The following NR4A1 variants were observed in gnomAD, a reference collection of about 807,000 sequenced individuals.
NR4A1 encodes nuclear receptor subfamily 4 group A member 1.
Under a neutral mutation model 47.5 loss-of-function variants are expected in NR4A1, and 24 were observed. The observed-to-expected ratio is 0.50, with a 90% CI of 0.37 to 0.71. The LOEUF (loss-of-function observed/expected upper bound fraction) is 0.71. NR4A1 is among the 30% of genes least tolerant of loss of function. The pLI, the probability that NR4A1 is intolerant of heterozygous loss-of-function variation, is 0.00. For missense variants in NR4A1, 669 were observed against 788.6 expected (o/e 0.85, Z 1.82); for synonymous variants, 353 against 345.7 (o/e 1.02, Z -0.24).
At chr12:52,046,238 T>C (rs1382417423) in intron 2 of NR4A1, among the ~76,000 whole-genome samples, 1 of 152,204 alleles carries the variant, frequency 6.6e-6, no homozygotes, top group African/African-American at 2.4e-5. Flanking sequence ...CCCTACCCTC[T>C]GGGCTGGGGA....
rs891249348 is a variant in NR4A1, at chr12:52,051,514, G to T, written c.-57G>T. On this transcript the variant is annotated 5_prime_UTR_variant, in exon 1 of 7. Transcript: ENST00000394825. ...CTTCGGGAGCGCACGCGGGACCAGG[G>T]ACCAGGCTGAGACTCGGGGCGCCAG... is the stretch of plus-strand genomic sequence containing the variant. The T allele has an allele frequency of 1.0e-6, 1 of 985,822 alleles. No individual in the cohort carries two copies. Among genetic ancestry groups the T allele is most frequent in the African/African-American group, 1.7e-5 (1 of 57,380 alleles). 61.1% of individuals were successfully genotyped at this position (985,822 alleles called of 1,614,324 possible). A position where few individuals can be genotyped will look rare whatever the true frequency, so the allele number is the denominator to read the frequency against.
chr12:52,050,806 GA>G (rs1263137548), upstream of NR4A1, among the ~76,000 whole-genome samples: 1 of 152,208 alleles, frequency 6.6e-6, no homozygotes, highest in East Asian at 1.9e-4. Flanking sequence ...GGGCTGAGGT[GA>G]GGGCGCAGGC....
chr12:52,041,960 C>T (rs117513332), intron 2 of NR4A1: 52,418 of 1,310,600 alleles, frequency 0.04, 1,239 homozygotes, highest in Middle Eastern at 0.052. Flanking sequence ...CTTTGTACAC[C>T]CCTCCAGCAG....
chr12:52,024,392 C>T (rs948735437), intron 1 of NR4A1, among the ~76,000 whole-genome samples: 1 of 152,168 alleles, frequency 6.6e-6, no homozygotes, highest in Non-Finnish European at 1.5e-5. Flanking sequence ...TTCTCTCTCT[C>T]CAAGTGCTTA....
chr12:52,025,130 G>A (rs1324534565), intron 1 of NR4A1, among the ~76,000 whole-genome samples: 12 of 151,062 alleles, frequency 7.9e-5, no homozygotes, highest in Non-Finnish European at 1.5e-4. Context: ...CACAACCCCG[G>A]CTCACTGCAC....
intron 1 of NR4A1, chr12:52,038,139 A>G (rs544441823): frequency 6.8e-6 from 6 of 880,520 alleles, no homozygotes; most frequent in Admixed American, 6.8e-5. Flanking sequence ...ATCTCGGCTC[A>G]CTGCAATCTC....
At position 52,056,520 on chromosome 12, in the gene NR4A1, C is replaced by T. The variant is rs1242149608; in HGVS notation, c.1033C>T (p.Arg345Trp). The change falls in exon 4 of 7, where the codon CGG becomes TGG. Residue 345 changes from arginine (R) to tryptophan (W), a missense_variant. Transcript: ENST00000394825. ...EVVRTDSLKG[R>W]RGRLPSKPKQ... The stretch of plus-strand genomic sequence containing the variant: ...TGTCCGAACAGACAGCCTGAAGGGG[C>T]GGCGGGGCCGGCTACCTTCAAAACC... 7 of 1,613,240 alleles carry T rather than the reference C, an allele frequency of 4.3e-6. No individual in the cohort carries two copies. The highest frequency in any genetic ancestry group is 5.9e-6 in the Non-Finnish European group (7 of 1,179,718).
chr12:52,043,939 A>G, intron 2 of NR4A1: 1 of 1,287,958 alleles, frequency 7.8e-7, no homozygotes, highest in African/African-American at 1.5e-5. Context: ...GACATTGAGG[A>G]ATGGGAGCTG....
intron 1 of NR4A1, among the ~76,000 whole-genome samples, chr12:52,036,143 C>T (rs1001715369): frequency 6.6e-6 from 1 of 152,164 alleles, no homozygotes; most frequent in African/African-American, 2.4e-5. Flanking sequence ...GCCGGGCCTT[C>T]CTGACCAGCC....
At position 52,023,841 on chromosome 12, in the gene NR4A1, C is replaced by T. The variant is rs377483548; in HGVS notation, c.-84+902C>T. On this transcript the variant is annotated intron_variant, in intron 1 of 7. Transcript: ENST00000360284. Reference sequence around the variant, plus strand: ...GGCGGGTCCTGGTAGGGGGCGTGGCCTGGCCGACTTGCGGGGCGGCGGCGC... The same window carrying T: ...GGCGGGTCCTGGTAGGGGGCGTGGCTTGGCCGACTTGCGGGGCGGCGGCGC... Among the ~76,000 whole-genome samples the T allele has an allele frequency of 1.8e-4, 27 of 152,344 alleles. No homozygotes were observed. The East Asian group carries it at 4.0e-3, about 23-fold the overall frequency.
intron 1 of NR4A1, among the ~76,000 whole-genome samples, chr12:52,024,223 C>A (rs1261463235): frequency 6.6e-6 from 1 of 152,234 alleles, no homozygotes; most frequent in Non-Finnish European, 1.5e-5. Context: ...ATCCTTCTCC[C>A]TGCCCCAGCC....
chr12:52,046,693 T>C (rs1373945772), upstream of NR4A1, among the ~76,000 whole-genome samples: 3 of 152,136 alleles, frequency 2.0e-5, no homozygotes, highest in South Asian at 6.2e-4. Context: ...TATTTTAAAA[T>C]AAAATTTGGG....
chr12:52,043,788 G>A (rs1216668432), intron 2 of NR4A1: 13 of 1,287,716 alleles, frequency 1.0e-5, no homozygotes, highest in Middle Eastern at 2.8e-4. Flanking sequence ...TGGGCAGCAC[G>A]TCTCTCCCCA....
chr12:52,024,691 CAAGA>C (rs1332234199), intron 1 of NR4A1, among the ~76,000 whole-genome samples: 1 of 150,068 alleles, frequency 6.7e-6, no homozygotes, highest in Admixed American at 6.7e-5. Context: ...GATCCTGTCA[CAAGA>C]AAGAAAGAAG....
intron 1 of NR4A1, 82 bp from the exon 2 acceptor site, chr12:52,054,244 TG>T: frequency 8.1e-7 from 1 of 1,234,606 alleles, no homozygotes. Context: ...CTTGCTGCTC[TG>T]GGGCCCAAAT....
rs138496951 is a variant in NR4A1, at chr12:52,057,419, C to G, written c.1429C>G (p.Arg477Gly). 1 of 1,614,226 alleles carries G rather than the reference C, an allele frequency of 6.2e-7. No homozygotes were observed. Among genetic ancestry groups the G allele is most frequent in the Non-Finnish European group, 8.5e-7 (1 of 1,180,040 alleles). Residue 477 changes from arginine (R) to glycine (G), a missense_variant, in exon 6 of 7, where the codon CGT becomes GGT. Transcript: ENST00000394825. ...GGTGCTACACCGGCTGCAGTGTGCC[C>G]GTGGCTTCGGGGACTGGATTGACAG... The part of the protein sequence containing the change: ...GLVLHRLQCA[R>G]GFGDWIDSIL...
upstream of NR4A1, among the ~76,000 whole-genome samples, chr12:52,050,024 A>T (rs1007668440): frequency 6.6e-6 from 1 of 151,972 alleles, no homozygotes; most frequent in African/African-American, 2.4e-5. Flanking sequence ...ACTCATGGAT[A>T]TTGACTTACA....
intron 1 of NR4A1, among the ~76,000 whole-genome samples, chr12:52,028,202 CAAAAAAAAAAAAAAAAAA>C (rs34072500): frequency 1.6e-5 from 1 of 61,766 alleles, no homozygotes; most frequent in South Asian, 7.8e-4. Context: ...ACCCTGTCTC[CAAAAAAAAAAAAAAAAAA>C]AAAAAAAAAG....
chr12:52,025,846 TA>T (rs974795959), intron 1 of NR4A1, among the ~76,000 whole-genome samples: 7 of 152,188 alleles, frequency 4.6e-5, no homozygotes, highest in Non-Finnish European at 1.0e-4. Context: ...GGCACCACCG[TA>T]CAGCACTTGG....
Sources: allele counts gnomAD v4.1 joint callset (sites outside exome capture counted in the v4.1 genomes callset), GRCh38; gene constraint gnomAD v4.1.1; transcripts MANE v1.5; gene names NCBI Gene and HGNC (gene_info 2026-07-23, HGNC 2026-07-21).